SMAD1: variants seen among roughly 807,000 people sequenced by gnomAD.
SMAD1 encodes MAD, mothers against decapentaplegic homolog 1.
A neutral mutation model predicts 41.6 loss-of-function variants in SMAD1; 6 were observed. The ratio of observed to expected loss-of-function variants is 0.14; its 90% CI spans 0.08 to 0.28. SMAD1 has a LOEUF of 0.28. SMAD1 is among the 10% of genes least tolerant of loss of function. The pLI, the probability that SMAD1 is intolerant of heterozygous loss-of-function variation, is 1.00. For synonymous variants in SMAD1, 206 were observed against 203.2 expected (o/e 1.01, Z -0.12); for missense variants, 379 against 582.6 (o/e 0.65, Z 3.60).
At chr4:145,526,728 C>T (rs1483121291) in intron 2 of SMAD1, among the ~76,000 whole-genome samples, 1 of 152,072 alleles carries the variant, frequency 6.6e-6, no homozygotes, top group Admixed American at 6.6e-5. Flanking sequence ...CATTGCCAAC[C>T]AGTAAATGTG....
At chr4:145,513,502 A>T (rs1730204915) in intron 1 of SMAD1, 1 of 152,212 alleles carries the variant, frequency 6.6e-6, no homozygotes, top group Non-Finnish European at 1.5e-5. Context: ...CATGTGCTTT[A>T]TTCCTTTTAT....
chr4:145,512,229 TTC>T (rs772048705), intron 1 of SMAD1, among the ~76,000 whole-genome samples: 95 of 152,222 alleles, frequency 6.2e-4, no homozygotes, highest in Non-Finnish European at 1.3e-4. Context: ...ATTTGTGGAT[TTC>T]TCTGTATGTA....
intron 1 of SMAD1, among the ~76,000 whole-genome samples, chr4:145,487,550 T>TA (rs1475387867): frequency 1.3e-5 from 2 of 152,204 alleles, no homozygotes; most frequent in Non-Finnish European, 2.9e-5. Context: ...TATCTGGTAG[T>TA]ACAAATATTC....
intron 2 of SMAD1, among the ~76,000 whole-genome samples, chr4:145,536,035 G>T (rs929838626): frequency 6.6e-6 from 1 of 151,672 alleles, no homozygotes; most frequent in Non-Finnish European, 1.5e-5. Flanking sequence ...GTCTTAGTAG[G>T]TTTATTTTAT....
chr4:145,507,442 A>G (rs1729852773), intron 1 of SMAD1, among the ~76,000 whole-genome samples: 1 of 152,066 alleles, frequency 6.6e-6, no homozygotes, highest in South Asian at 2.1e-4. Context: ...TAAGGTCTGT[A>G]TAATATTCCA....
At chr4:145,512,600 C>T (rs1194395560) in intron 1 of SMAD1, among the ~76,000 whole-genome samples, 1 of 152,076 alleles carries the variant, frequency 6.6e-6, no homozygotes, top group Non-Finnish European at 1.5e-5. Context: ...GATTCCAGTT[C>T]TCTGTTAAAA....
At chr4:145,545,589 T>G (rs1278426547) in intron 4 of SMAD1, 1 of 151,870 alleles carries the variant, frequency 6.6e-6, no homozygotes, top group Non-Finnish European at 1.5e-5. Flanking sequence ...TTTGTTATTG[T>G]TGTTTTGTTT....
intron 4 of SMAD1, among the ~76,000 whole-genome samples, 157 bp downstream of exon 4, chr4:145,542,855 G>A (rs1732030202): frequency 6.6e-6 from 1 of 152,172 alleles, no homozygotes; most frequent in Non-Finnish European, 1.5e-5. Context: ...TGGATAACAA[G>A]TAAGTCTTTA....
intron 4 of SMAD1, 48 bp downstream of exon 4, chr4:145,542,746 C>A: frequency 1.6e-6 from 2 of 1,251,746 alleles, no homozygotes; most frequent in Non-Finnish European, 2.3e-6. Context: ...TAAAGTTTGT[C>A]CAGATGTTAC....
chr4:145,512,974 C>T (rs1352568039), intron 1 of SMAD1, among the ~76,000 whole-genome samples: 3 of 152,172 alleles, frequency 2.0e-5, no homozygotes, highest in Non-Finnish European at 4.4e-5. Flanking sequence ...GGGGCATATT[C>T]CTCCAGGAGC....
intron 2 of SMAD1, among the ~76,000 whole-genome samples, chr4:145,515,826 G>A (rs1288959538): frequency 5.3e-5 from 8 of 152,076 alleles, no homozygotes; most frequent in African/African-American, 1.9e-4. Context: ...GGTTACTAAG[G>A]CTGTATATTA....
At chr4:145,528,325 G>A (rs764556833) in intron 2 of SMAD1, among the ~76,000 whole-genome samples, 7 of 151,972 alleles carry the variant, frequency 4.6e-5, no homozygotes, top group African/African-American at 1.2e-4. Context: ...GGCTGGTCTC[G>A]AACTCCTAAT....
chr4:145,550,965 A>G (rs1457644701), intron 5 of SMAD1, among the ~76,000 whole-genome samples: 1 of 152,226 alleles, frequency 6.6e-6, no homozygotes, highest in Non-Finnish European at 1.5e-5. Flanking sequence ...ATCTAATTTA[A>G]TTTATAATTT....
intron 1 of SMAD1, among the ~76,000 whole-genome samples, chr4:145,484,149 A>G (rs768363460): frequency 6.6e-5 from 10 of 152,250 alleles, no homozygotes; most frequent in Non-Finnish European, 1.0e-4. Context: ...AAAAAGAAGT[A>G]GCTTGGGTAT....
At chr4:145,527,896 T>C (rs1266796281) in intron 2 of SMAD1, among the ~76,000 whole-genome samples, 1 of 150,454 alleles carries the variant, frequency 6.6e-6, no homozygotes, top group Admixed American at 6.8e-5. Context: ...AATCCCACCC[T>C]GTCACCCTGG....
Position 145,539,914 on chromosome 4 carries a change from A to G in SMAD1, c.511A>G (p.Thr171Ala). The part of the protein sequence containing the change: ...QNEPHMPLNA[T>A]FPDSFQQPNS... ...TGAGCCTCACATGCCACTCAACGCC[A>G]CTTTTCCAGATTCTTTCCAGCAACC... Residue 171 changes from threonine (T) to alanine (A), a missense_variant, in exon 3 of 7, where the codon ACT becomes GCT. Physicochemically the swap from Thr to Ala is moderately conservative, Grantham distance 58. Around this residue, in one of 3 missense-constraint regions of SMAD1, gnomAD observed 208 missense variants for 210.5 expected, o/e 0.99. Coordinates refer to ENST00000302085, the MANE Select transcript of SMAD1 (RefSeq NM_005900.3). The G allele has an allele frequency of 1.9e-6, 3 of 1,613,924 alleles. No individual in the cohort carries two copies. Among genetic ancestry groups the G allele is most frequent in the Admixed American group, 1.7e-5 (1 of 59,956 alleles).
At chr4:145,529,862 A>T (rs1731227228) in intron 2 of SMAD1, among the ~76,000 whole-genome samples, 4 of 152,178 alleles carry the variant, frequency 2.6e-5, no homozygotes, top group Admixed American at 2.6e-4. Flanking sequence ...GGCTGTATTC[A>T]CCCAGAATTG....
chr4:145,484,625 T>A (rs1323105475), intron 1 of SMAD1: 3 of 152,226 alleles, frequency 2.0e-5, no homozygotes, highest in African/African-American at 7.2e-5. Flanking sequence ...TATGAATTTC[T>A]GTAGAAAAAT....
chr4:145,506,190 G>A (rs1013544213), intron 1 of SMAD1, among the ~76,000 whole-genome samples: 2 of 152,072 alleles, frequency 1.3e-5, no homozygotes, highest in African/African-American at 4.8e-5. Context: ...GAAAAAAAAA[G>A]TATCCAGCTG....
Sources: gnomAD v4.1 joint callset for allele counts (sites outside exome capture counted in the v4.1 genomes callset) on GRCh38, gnomAD v4.1.1 for gene constraint, gnomAD v4.1.1 regional missense constraint, MANE v1.5 for transcripts, NCBI Gene and HGNC (gene_info 2026-07-23, HGNC 2026-07-21) for gene names.